The following ABCA13 variants were observed in gnomAD, a reference collection of about 807,000 sequenced individuals.
The protein encoded by ABCA13 is ATP binding cassette subfamily A member 13, also known as ATP-binding cassette sub-family A member 13.
In ABCA13, 476 loss-of-function variants were observed where a neutral mutation model predicts 478.7. That is an observed-to-expected ratio of 0.99 (90% CI 0.92 to 1.07). The LOEUF (loss-of-function observed/expected upper bound fraction) is 1.07, where lower values mean the gene tolerates loss of function less well. Among genes scored for constraint, ABCA13 ranks in the 50% least tolerant of loss-of-function variants. The pLI is 0.00. For missense variants in ABCA13, 6,060 were observed against 5,910.6 expected, an observed-to-expected ratio of 1.03 and a Z score of -0.83; for synonymous variants, 2,252 against 2,158.9, an observed-to-expected ratio of 1.04 and a Z score of -1.20.
At chr7:48,364,841 G>A (rs752666977) in intron 31 of ABCA13, among the ~76,000 whole-genome samples, 1 of 152,010 alleles carries the variant, frequency 6.6e-6, no homozygotes, top group Non-Finnish European at 1.5e-5. Flanking sequence ...CCATATCTTA[G>A]CTATTGTGAA....
At chr7:48,343,428 A>C (rs1807552185) in intron 29 of ABCA13, among the ~76,000 whole-genome samples, 1 of 152,056 alleles carries the variant, frequency 6.6e-6, no homozygotes, top group Middle Eastern at 3.2e-3. Context: ...ATTAGGGCCC[A>C]TGTAGATCCA....
At position 48,272,794 on chromosome 7, in the gene ABCA13, A is replaced by G; in HGVS notation, c.3128A>G (p.Gln1043Arg). The G allele has an allele frequency of 6.2e-7, 1 of 1,605,080 alleles. No homozygotes were observed. Among genetic ancestry groups the G allele is most frequent in the Non-Finnish European group, 8.5e-7 (1 of 1,174,670 alleles). The change falls in exon 17 of 62, where the codon CAG becomes CGG. Residue 1043 changes from glutamine to arginine, a missense_variant. Physicochemically the swap from Gln to Arg is conservative, Grantham distance 43. Coordinates refer to ENST00000435803, the MANE Select transcript of ABCA13 (RefSeq NM_152701.5). Reference sequence around the variant, plus strand: ...TCAATTTTTAACTTTTTGGAGCTTCAGGCCCAATCCTTCATGTCTACAGAG... The same window carrying G: ...TCAATTTTTAACTTTTTGGAGCTTCGGGCCCAATCCTTCATGTCTACAGAG... ...LLSIFNFLEL[Q>R]AQSFMSTEGQ...
At chr7:48,405,112 A>G (rs1818091281) in intron 39 of ABCA13, among the ~76,000 whole-genome samples, 1 of 152,228 alleles carries the variant, frequency 6.6e-6, no homozygotes, top group African/African-American at 2.4e-5. Context: ...ATGCCCATGA[A>G]CTTTGACATT....
At chr7:48,515,828 A>T (rs1440533186) in intron 51 of ABCA13, among the ~76,000 whole-genome samples, 2 of 152,024 alleles carry the variant, frequency 1.3e-5, no homozygotes, top group Admixed American at 1.3e-4. Flanking sequence ...TATTCTTGAT[A>T]TCTTTTGATT....
chr7:48,414,755 A>T (rs949796068), intron 41 of ABCA13, among the ~76,000 whole-genome samples: 6 of 152,136 alleles, frequency 3.9e-5, no homozygotes, highest in Non-Finnish European at 8.8e-5. Context: ...GGTGTGTGCC[A>T]CTGCATCTGG....
intron 5 of ABCA13, among the ~76,000 whole-genome samples, chr7:48,223,485 A>C (rs77555494): frequency 0.025 from 3,856 of 152,194 alleles, 162 homozygotes; most frequent in African/African-American, 0.088. Context: ...AAGCCCAGGA[A>C]GGCAATTTTC....
Position 48,248,368 on chromosome 7 carries a change from C to T in ABCA13, c.1789C>T (p.Leu597=). Residue 597 remains leucine (L), a synonymous_variant, in exon 14 of 62, where the codon CTG becomes TTG. Coordinates refer to ENST00000435803, the MANE Select transcript of ABCA13 (RefSeq NM_152701.5). ...EASLSCTRLF[L]LLGADPSPEN... ...AAGCCTTTCCTGTACTCGGCTCTTCCTGCTGCTGGGAGCTGATCCCTCTCC... is the reference window on the plus strand; with the variant it reads ...AAGCCTTTCCTGTACTCGGCTCTTCTTGCTGCTGGGAGCTGATCCCTCTCC... The T allele has an allele frequency of 6.2e-7, 1 of 1,613,780 alleles. No individual in the cohort carries two copies. The highest frequency in any genetic ancestry group is 1.3e-5 in the African/African-American group (1 of 75,028).
At chr7:48,197,202 A>G (rs982206825) in intron 2 of ABCA13, among the ~76,000 whole-genome samples, 1 of 152,178 alleles carries the variant, frequency 6.6e-6, no homozygotes, top group Non-Finnish European at 1.5e-5. Context: ...CGAGCTACAT[A>G]TGAATGTGAA....
At chr7:48,596,968 T>C (rs952911342) in intron 58 of ABCA13, among the ~76,000 whole-genome samples, 2 of 152,008 alleles carry the variant, frequency 1.3e-5, no homozygotes, top group African/African-American at 2.4e-5. Flanking sequence ...CTTTTTTTTT[T>C]TGAGACAGAG....
At chr7:48,421,163 A>G (rs138880467) in intron 41 of ABCA13, among the ~76,000 whole-genome samples, 2 of 150,994 alleles carry the variant, frequency 1.3e-5, no homozygotes, top group African/African-American at 4.9e-5. Flanking sequence ...GGTGTCTGCC[A>G]GGCTTTCCCA....
chr7:48,272,746 T>C lies in ABCA13; in HGVS notation c.3080T>C (p.Val1027Ala), dbSNP rs1795788404. The C allele has an allele frequency of 1.2e-6, 2 of 1,609,122 alleles. No homozygotes were observed. Among genetic ancestry groups the C allele is most frequent in the Non-Finnish European group, 8.5e-7 (1 of 1,177,006 alleles). ...TAEVLGGISN[V>A]SYCQQLLSIF... ...GAGGTTCTTGGGGGAATTTCTAATG[T>C]ATCTTACTGTCAGCAATTGCTTTCA... Residue 1027 changes from valine to alanine, a missense_variant, in exon 17 of 62, where the codon GTA (valine) becomes GCA (alanine). Around this residue, in one of 3 missense-constraint regions of ABCA13, gnomAD observed 4,423 missense variants for 4,309.1 expected, o/e 1.03. Transcript: ENST00000435803.
rs752807463 is a variant in ABCA13 at position 48,275,600 on chromosome 7, T to C, written c.5934T>C (p.Ser1978=). Residue 1978 remains serine (S), a synonymous_variant, in exon 17 of 62, where the codon AGT becomes AGC. Coordinates refer to ENST00000435803, the MANE Select transcript of ABCA13 (RefSeq NM_152701.5). Reference sequence around the variant, plus strand: ...GTGAAAATATTCTTGACAAACTAAGTAGTTTAAACAAGATCCTTAACATTA... The same window carrying C: ...GTGAAAATATTCTTGACAAACTAAGCAGTTTAAACAAGATCCTTAACATTA... The part of the protein sequence containing the change: ...TSGENILDKL[S]SLNKILNINE... The C allele has an allele frequency of 6.2e-7, 1 of 1,611,812 alleles. No individual in the cohort carries two copies. The highest frequency in any genetic ancestry group is 8.5e-7 in the Non-Finnish European group (1 of 1,178,592).
chr7:48,198,324 A>C lies in ABCA13; in HGVS notation c.251A>C (p.Asn84Thr). The C allele has an allele frequency of 6.2e-7, 1 of 1,613,864 alleles. No individual in the cohort carries two copies. Among genetic ancestry groups the C allele is most frequent in the East Asian group, 2.2e-5 (1 of 44,866 alleles). The stretch of plus-strand genomic sequence containing the variant: ...TGTAACACTGGATCAAGGTGTAGGA[A>C]CTTCAGCTATGAAGGGTCAATGGAG... ...LLCNTGSRCR[N>T]FSYEGSMEHH... The change falls in exon 3 of 62, where the codon AAC becomes ACC. Residue 84 changes from asparagine to threonine, a missense_variant. Asn to Thr is a moderately conservative substitution (Grantham distance 65). Transcript: ENST00000435803.
At chr7:48,436,443 T>C (rs1822843638) in intron 42 of ABCA13, among the ~76,000 whole-genome samples, 1 of 151,836 alleles carries the variant, frequency 6.6e-6, no homozygotes, top group Non-Finnish European at 1.5e-5. Flanking sequence ...GTTTATCTAT[T>C]CCGTTTATCT....
At chr7:48,605,261 T>C (rs1791350968) in intron 58 of ABCA13, among the ~76,000 whole-genome samples, 1 of 152,218 alleles carries the variant, frequency 6.6e-6, no homozygotes, top group African/African-American at 2.4e-5. Context: ...GTGAATTTGA[T>C]CCTATCATTA....
At chr7:48,294,161 T>A (rs1798997107) in intron 20 of ABCA13, among the ~76,000 whole-genome samples, 1 of 152,090 alleles carries the variant, frequency 6.6e-6, no homozygotes, top group Non-Finnish European at 1.5e-5. Flanking sequence ...CAAAGTGAAA[T>A]GATTACTACA....
chr7:48,449,079 G>C (rs761848372), intron 42 of ABCA13, among the ~76,000 whole-genome samples: 8 of 152,148 alleles, frequency 5.3e-5, no homozygotes, highest in South Asian at 2.1e-4. Flanking sequence ...TTGACCTCCA[G>C]TGATTCGCCC....
At chr7:48,532,188 G>T (rs1169257922) in intron 55 of ABCA13, among the ~76,000 whole-genome samples, 1 of 151,878 alleles carries the variant, frequency 6.6e-6, no homozygotes, top group African/African-American at 2.4e-5. Context: ...TTCCTATTTT[G>T]CTGAGGGTTT....
intron 50 of ABCA13, among the ~76,000 whole-genome samples, chr7:48,509,382 G>A (rs921340733): frequency 3.9e-5 from 6 of 152,102 alleles, no homozygotes; most frequent in African/African-American, 1.4e-4. Flanking sequence ...AGTGTCTAAG[G>A]GCCACAACTT....
Sources: gnomAD v4.1 joint callset for allele counts (sites outside exome capture counted in the v4.1 genomes callset) on GRCh38, gnomAD v4.1.1 for gene constraint, gnomAD v4.1.1 regional missense constraint, MANE v1.5 for transcripts, NCBI Gene and HGNC (gene_info 2026-07-23, HGNC 2026-07-21) for gene names.